Variants in APBB2 observed in about 807,000 individuals in gnomAD.
APBB2 encodes amyloid beta precursor protein binding family B member 2, also known as Fe65-like 1.
Under a neutral mutation model 82.5 loss-of-function variants are expected in APBB2, and 38 were observed. That is an observed-to-expected ratio of 0.46 (90% CI 0.36 to 0.60). The LOEUF (loss-of-function observed/expected upper bound fraction) is 0.60. Ranked by LOEUF, APBB2 falls within the 20% of genes least tolerant of loss-of-function variation. The pLI is 0.00. For missense variants in APBB2, 772 were observed against 972.3 expected, an observed-to-expected ratio of 0.79 and a Z score of 2.74; for synonymous variants, 341 against 368.2, an observed-to-expected ratio of 0.93 and a Z score of 0.85.
chr4:41,046,623 A>C (rs1359816761), intron 4 of APBB2, among the ~76,000 whole-genome samples: 3 of 152,312 alleles, frequency 2.0e-5, no homozygotes, highest in Non-Finnish European at 4.4e-5. Flanking sequence ...AATTAAAGGA[A>C]ACTAAGGAGC....
chr4:41,025,311 A>G (rs1317082358), intron 5 of APBB2, among the ~76,000 whole-genome samples: 2 of 152,230 alleles, frequency 1.3e-5, no homozygotes, highest in Admixed American at 6.5e-5. Context: ...ATTAAAGAAT[A>G]TGCAAATCAA....
chr4:41,157,642 G>A (rs1411180965), intron 1 of APBB2, among the ~76,000 whole-genome samples: 1 of 152,138 alleles, frequency 6.6e-6, no homozygotes, highest in East Asian at 1.9e-4. Flanking sequence ...AACAATACAG[G>A]GGCAGTGAGA....
chr4:40,895,831 C>T (rs34328157), intron 10 of APBB2, among the ~76,000 whole-genome samples: 19,105 of 152,208 alleles, frequency 0.13, 1,387 homozygotes, highest in Middle Eastern at 0.19. Context: ...GAGTCCTCAC[C>T]CCAACCCTTT....
At chr4:41,140,729 C>T (rs1758886545) in intron 2 of APBB2, among the ~76,000 whole-genome samples, 1 of 152,202 alleles carries the variant, frequency 6.6e-6, no homozygotes, top group South Asian at 2.1e-4. Flanking sequence ...GCTCTGCCCC[C>T]TGACAGATCA....
intron 6 of APBB2, among the ~76,000 whole-genome samples, chr4:40,976,628 A>G (rs1159426057): frequency 1.3e-5 from 2 of 152,212 alleles, no homozygotes; most frequent in Admixed American, 6.5e-5. Context: ...TCTGACCACT[A>G]ATGTGTACTG....
intron 12 of APBB2, chr4:40,880,537 A>C: frequency 1.0e-6 from 1 of 985,404 alleles, no homozygotes; most frequent in Non-Finnish European, 1.2e-6. Flanking sequence ...TCTGTTCTCA[A>C]AGACATTCAT....
chr4:41,067,008 C>T (rs184701786), intron 3 of APBB2, among the ~76,000 whole-genome samples: 1 of 152,166 alleles, frequency 6.6e-6, no homozygotes, highest in East Asian at 1.9e-4. Flanking sequence ...TGGAACCATC[C>T]GGAAGTTCAA....
intron 1 of APBB2, among the ~76,000 whole-genome samples, chr4:41,196,679 T>C: frequency 6.9e-6 from 1 of 145,466 alleles, no homozygotes; most frequent in African/African-American, 2.6e-5. Flanking sequence ...TATCTCCAAA[T>C]GTTGAAATTT....
At chr4:40,967,932 G>C (rs1312781956) in intron 6 of APBB2, among the ~76,000 whole-genome samples, 2 of 152,204 alleles carry the variant, frequency 1.3e-5, no homozygotes, top group African/African-American at 2.4e-5. Context: ...TTTTAGAGGG[G>C]TAGGCTGAGA....
chr4:41,023,461 G>A (rs113703407), intron 5 of APBB2, among the ~76,000 whole-genome samples: 6 of 151,980 alleles, frequency 3.9e-5, no homozygotes, highest in African/African-American at 1.5e-4. Context: ...AGCTCTTTCG[G>A]CTGATAAACA....
intron 12 of APBB2, among the ~76,000 whole-genome samples, chr4:40,877,784 G>A (rs1245158992): frequency 1.3e-5 from 2 of 152,162 alleles, no homozygotes; most frequent in Admixed American, 1.3e-4. Flanking sequence ...TAGGGAGGAG[G>A]CAAGAAGGAT....
At chr4:40,975,753 A>AACAC (rs368424451) in intron 6 of APBB2, among the ~76,000 whole-genome samples, 4,290 of 142,034 alleles carry the variant, frequency 0.03, 94 homozygotes, top group South Asian at 0.064. Context: ...GTAGTAAGAA[A>AACAC]ACACACACAC....
chr4:40,859,039 C>T (rs2154333425), intron 12 of APBB2, among the ~76,000 whole-genome samples: 1 of 152,322 alleles, frequency 6.6e-6, no homozygotes, highest in Admixed American at 6.5e-5. Flanking sequence ...TCCTTCCTTA[C>T]ACATCATTCC....
chr4:40,920,258 CTGCTGCCATGTAAGATG>C (rs1780910293), intron 10 of APBB2, among the ~76,000 whole-genome samples: 1 of 152,140 alleles, frequency 6.6e-6, no homozygotes, highest in African/African-American at 2.4e-5. Flanking sequence ...TCTCTCTTTC[CTGCTGCCATGTAAGATG>C]TGCCTTTCGC....
chr4:41,041,210 G>A (rs114662919), intron 4 of APBB2, among the ~76,000 whole-genome samples: 1,984 of 152,168 alleles, frequency 0.013, 52 homozygotes, highest in African/African-American at 0.045. Context: ...CACTCTGGGG[G>A]TGGGTTTTAA....
At chr4:41,202,624 T>C (rs187390634) in intron 1 of APBB2, among the ~76,000 whole-genome samples, 13 of 152,316 alleles carry the variant, frequency 8.5e-5, no homozygotes, top group Admixed American at 6.5e-4. Context: ...TACAACTGCA[T>C]CACATAGAAA....
intron 6 of APBB2, among the ~76,000 whole-genome samples, chr4:41,001,414 C>G (rs1805193413): frequency 6.6e-6 from 1 of 152,206 alleles, no homozygotes; most frequent in Non-Finnish European, 1.5e-5. Flanking sequence ...GGATAAAGAT[C>G]TACCTTTATG....
chr4:41,114,449 A>G (rs1291997309), intron 2 of APBB2, among the ~76,000 whole-genome samples: 1 of 152,232 alleles, frequency 6.6e-6, no homozygotes, highest in Non-Finnish European at 1.5e-5. Context: ...CGTATTCAAC[A>G]TAGTATTGAA....
chr4:40,877,564 G>C (rs1446163388), intron 12 of APBB2, among the ~76,000 whole-genome samples: 1 of 152,170 alleles, frequency 6.6e-6, no homozygotes, highest in Non-Finnish European at 1.5e-5. Context: ...AATCAAAGAA[G>C]GGTCAACTCT....
Sources: gnomAD v4.1 joint callset for allele counts (sites outside exome capture counted in the v4.1 genomes callset) on GRCh38, gnomAD v4.1.1 for gene constraint, MANE v1.5 for transcripts, NCBI Gene and HGNC (gene_info 2026-07-23, HGNC 2026-07-21) for gene names.